NCAM2: variants seen among roughly 807,000 people sequenced by gnomAD.
The protein encoded by NCAM2 is neural cell adhesion molecule 2, also known as N-CAM-2.
Under a neutral mutation model 98.1 loss-of-function variants are expected in NCAM2, and 30 were observed. The ratio of observed to expected loss-of-function variants is 0.31; its 90% CI spans 0.23 to 0.41. The LOEUF (loss-of-function observed/expected upper bound fraction) is 0.41, where lower values mean the gene tolerates loss of function less well. Among genes scored for constraint, NCAM2 ranks in the 10% least tolerant of loss-of-function variants. The pLI is 1.00. For synonymous variants in NCAM2, 368 were observed against 342.4 expected, an observed-to-expected ratio of 1.07 and a Z score of -0.83; for missense variants, 867 against 1,005.8, an observed-to-expected ratio of 0.86 and a Z score of 1.87.
At chr21:21,034,196 T>G (rs62208965) in intron 1 of NCAM2, among the ~76,000 whole-genome samples, 16,413 of 152,210 alleles carry the variant, frequency 0.11, 1,062 homozygotes, top group Middle Eastern at 0.14. Context: ...CATTGCAGAT[T>G]GGCTCCCATC....
intron 1 of NCAM2, among the ~76,000 whole-genome samples, chr21:21,083,206 C>T (rs1341563373): frequency 1.3e-5 from 2 of 152,066 alleles, no homozygotes; most frequent in African/African-American, 4.8e-5. Flanking sequence ...GGAACCTGGT[C>T]TGTGCCTGAT....
chr21:21,511,229 C>T (rs1302170039), intron 16 of NCAM2, among the ~76,000 whole-genome samples: 1 of 151,910 alleles, frequency 6.6e-6, no homozygotes, highest in Non-Finnish European at 1.5e-5. Flanking sequence ...TTCTGTCTAA[C>T]TGTATTTTCA....
intron 1 of NCAM2, among the ~76,000 whole-genome samples, chr21:21,208,746 A>C (rs1420104396): frequency 6.6e-6 from 1 of 152,216 alleles, no homozygotes; most frequent in Admixed American, 6.5e-5. Flanking sequence ...GGCAAAAATC[A>C]CCACAGAAAA....
chr21:21,287,302 T>C (rs1035734787), intron 4 of NCAM2, among the ~76,000 whole-genome samples: 7 of 152,008 alleles, frequency 4.6e-5, no homozygotes, highest in African/African-American at 1.7e-4. Flanking sequence ...ATAATATCTA[T>C]TTTTGAATAT....
At chr21:21,162,672 A>G (rs2067821589) in intron 1 of NCAM2, among the ~76,000 whole-genome samples, 3 of 152,114 alleles carry the variant, frequency 2.0e-5, no homozygotes, top group Admixed American at 1.3e-4. Context: ...TGTTTGACAT[A>G]TGTACTTAAA....
At chr21:21,099,282 G>A (rs138772176) in intron 1 of NCAM2, among the ~76,000 whole-genome samples, 1 of 151,982 alleles carries the variant, frequency 6.6e-6, no homozygotes, top group African/African-American at 2.4e-5. Flanking sequence ...GGTGTCACCT[G>A]GCTCAGGCAA....
At chr21:21,389,188 A>G (rs1408565552) in intron 9 of NCAM2, among the ~76,000 whole-genome samples, 1 of 152,236 alleles carries the variant, frequency 6.6e-6, no homozygotes, top group Non-Finnish European at 1.5e-5. Flanking sequence ...CCTTACAATC[A>G]TTGCTGAAGG....
chr21:21,020,809 T>C (rs112451017), intron 1 of NCAM2, among the ~76,000 whole-genome samples: 1 of 152,308 alleles, frequency 6.6e-6, no homozygotes, highest in African/African-American at 2.4e-5. Flanking sequence ...CACATTATAG[T>C]AGAGCAGTAA....
chr21:21,286,304 G>T lies in NCAM2; in HGVS notation c.373G>T (p.Glu125Ter), dbSNP rs756052184. ...LTFREVVSPQ[E>*]FKQGEDAEVV... ...TTTCAGAGAAGTGGTATCTCCACAA[G>T]AATTCAAACAAGGAGAAGATGCAGA... Residue 125 changes from glutamate (E) to a stop codon, truncating the protein, a stop_gained, in exon 4 of 18, where the codon GAA becomes TAA. Transcript: ENST00000400546. LOFTEE classifies it high-confidence loss of function. The T allele has an allele frequency of 6.2e-7, 1 of 1,611,244 alleles. No individual in the cohort carries two copies. The highest frequency in any genetic ancestry group is 1.7e-5 in the Admixed American group (1 of 59,600).
Position 21,016,929 on chromosome 21 carries a change from A to G in NCAM2, c.55+18311A>G, listed in dbSNP as rs545887081. Among the ~76,000 whole-genome samples, 10 of 152,300 alleles carry G rather than the reference A, an allele frequency of 6.6e-5. No homozygotes were observed. The East Asian group carries it at 1.2e-3, about 18-fold the overall frequency. On this transcript the variant is annotated intron_variant, in intron 1 of 17. Transcript: ENST00000400546. ...GTCAATATATGGCAGGAGAAGGGTAATAGATTTGGAATAAACCAAAATGCA... is the reference window on the plus strand; with the variant it reads ...GTCAATATATGGCAGGAGAAGGGTAGTAGATTTGGAATAAACCAAAATGCA...
chr21:21,439,051 A>G (rs1978831748), intron 12 of NCAM2, among the ~76,000 whole-genome samples: 1 of 151,998 alleles, frequency 6.6e-6, no homozygotes, highest in South Asian at 2.1e-4. Flanking sequence ...GTGCCACTGA[A>G]CTCCAACCTG....
At chr21:21,116,331 T>G (rs77279461) in intron 1 of NCAM2, among the ~76,000 whole-genome samples, 5,726 of 152,086 alleles carry the variant, frequency 0.038, 315 homozygotes, top group African/African-American at 0.13. Context: ...CCATGAGAGA[T>G]TATATAAATT....
intron 1 of NCAM2, among the ~76,000 whole-genome samples, chr21:21,125,688 G>A (rs1005978400): frequency 4.8e-4 from 52 of 109,204 alleles, no homozygotes; most frequent in Non-Finnish European, 8.5e-4. Flanking sequence ...AGATATATAT[G>A]TAATAATATT....
chr21:21,504,165 A>C (rs1987820443), intron 15 of NCAM2, among the ~76,000 whole-genome samples: 1 of 151,924 alleles, frequency 6.6e-6, no homozygotes, highest in Non-Finnish European at 1.5e-5. Context: ...TGTTGACTCT[A>C]ACACAAGTAT....
At chr21:21,039,376 G>C (rs1196517435) in intron 1 of NCAM2, among the ~76,000 whole-genome samples, 1 of 152,170 alleles carries the variant, frequency 6.6e-6, no homozygotes, top group Admixed American at 6.5e-5. Context: ...CTAATGTTCA[G>C]TAGTAGAGTT....
intron 1 of NCAM2, among the ~76,000 whole-genome samples, chr21:21,127,688 C>T (rs944420819): frequency 1.3e-5 from 2 of 152,102 alleles, no homozygotes; most frequent in African/African-American, 2.4e-5. Flanking sequence ...TTAGATTCTA[C>T]ATATGAGTAA....
rs550017535 is a variant in NCAM2 at position 21,483,371 on chromosome 21, AAAT to A, written c.2077+5905_2077+5907del. On this transcript the variant is annotated intron_variant, in intron 15 of 17. Coordinates refer to ENST00000400546, the MANE Select transcript of NCAM2 (RefSeq NM_004540.5). ...TTGTTTAGATTTAACAAGCTAAAAA[AAAT>A]AATATAAATCACCACAAAAAATATT... Among the ~76,000 whole-genome samples, 347 of 152,216 alleles carry A rather than the reference AAAT, an allele frequency of 2.3e-3. 2 individuals are homozygous for A. The highest frequency in any genetic ancestry group is 7.9e-3 in the African/African-American group (328 of 41,582).
intron 1 of NCAM2, among the ~76,000 whole-genome samples, chr21:21,060,357 T>A (rs904066054): frequency 3.3e-4 from 51 of 152,240 alleles, no homozygotes; most frequent in African/African-American, 1.2e-3. Flanking sequence ...AGCATATCTG[T>A]GTATGGGTTC....
intron 1 of NCAM2, among the ~76,000 whole-genome samples, chr21:21,231,890 T>G (rs1042629956): frequency 6.6e-6 from 1 of 151,568 alleles, no homozygotes; most frequent in African/African-American, 2.4e-5. Context: ...ACATTCATTT[T>G]GTATGTTTTC....
Sources: gnomAD v4.1 joint callset for allele counts (sites outside exome capture counted in the v4.1 genomes callset) on GRCh38, gnomAD v4.1.1 for gene constraint, MANE v1.5 for transcripts, NCBI Gene and HGNC (gene_info 2026-07-23, HGNC 2026-07-21) for gene names.